The following NETO1 variants were observed in gnomAD, a reference collection of about 807,000 sequenced individuals.
NETO1 encodes neuropilin and tolloid-like protein 1.
A neutral mutation model predicts 61.3 loss-of-function variants in NETO1; 26 were observed. The observed-to-expected ratio is 0.42, with a 90% CI of 0.31 to 0.59. The LOEUF (loss-of-function observed/expected upper bound fraction) is 0.59, where lower values mean the gene tolerates loss of function less well. NETO1 is among the 20% of genes least tolerant of loss of function. The probability of loss-of-function intolerance (pLI) is 0.12; values close to 1 mark genes in which losing one functional copy is unlikely to be tolerated. For missense variants in NETO1, 531 were observed against 662.8 expected (o/e 0.80, Z 2.18); for synonymous variants, 225 against 225.8 (o/e 1.00, Z 0.03).
At chr18:72,764,920 A>G (rs2071103148) in intron 7 of NETO1, among the ~76,000 whole-genome samples, 2 of 152,042 alleles carry the variant, frequency 1.3e-5, no homozygotes, top group Admixed American at 6.6e-5. Context: ...ATCTCAATAC[A>G]AAGCTCTTGT....
intron 4 of NETO1, chr18:72,834,319 T>C (rs2073673641): frequency 1.1e-6 from 1 of 871,938 alleles, no homozygotes; most frequent in South Asian, 5.3e-5. Context: ...AAACTGTAGT[T>C]TAACCAGTTA....
chr18:72,822,183 G>A (rs1008739687), intron 4 of NETO1, among the ~76,000 whole-genome samples: 3 of 152,164 alleles, frequency 2.0e-5, no homozygotes, highest in African/African-American at 4.8e-5. Context: ...TGTGACCCAC[G>A]GATACAGAAA....
At chr18:72,787,754 C>T (rs1308309742) in intron 6 of NETO1, among the ~76,000 whole-genome samples, 3 of 152,052 alleles carry the variant, frequency 2.0e-5, no homozygotes, top group Non-Finnish European at 2.9e-5. Flanking sequence ...GGACTGGTAC[C>T]GAAGTCAGAT....
At position 72,839,728 on chromosome 18, in the gene NETO1, A is replaced by G. The variant is rs185437967; in HGVS notation, c.469+19098T>C. Among the ~76,000 whole-genome samples, 21 of 152,326 alleles carry G rather than the reference A, an allele frequency of 1.4e-4. 1 individual carries two copies. In the East Asian group the frequency reaches 3.5e-3, roughly 25 times the overall value. ...TGTAAATAGAGTAATATCTACATGA[A>G]AGGAACAGAAAAATGGGAAGAGGCA... is the stretch of plus-strand genomic sequence containing the variant. On this transcript the variant is annotated intron_variant, in intron 4 of 10. Transcript: ENST00000327305.
At chr18:72,807,923 C>A (rs1382709403) in intron 4 of NETO1, among the ~76,000 whole-genome samples, 2 of 152,186 alleles carry the variant, frequency 1.3e-5, no homozygotes. Context: ...CCTTAATTCT[C>A]TCAGAATGCT....
At chr18:72,751,465 T>C (rs963597937) in intron 8 of NETO1, among the ~76,000 whole-genome samples, 4 of 152,138 alleles carry the variant, frequency 2.6e-5, no homozygotes, top group Non-Finnish European at 5.9e-5. Flanking sequence ...TTATGGAATC[T>C]CCTTAGAAGG....
chr18:72,854,317 G>C (rs1449260542), intron 4 of NETO1, among the ~76,000 whole-genome samples: 1 of 152,170 alleles, frequency 6.6e-6, no homozygotes, highest in Non-Finnish European at 1.5e-5. Flanking sequence ...TTGGTACTTT[G>C]AGGTCTATTC....
intron 7 of NETO1, among the ~76,000 whole-genome samples, chr18:72,757,939 T>C (rs570697313): frequency 2.0e-5 from 3 of 152,284 alleles, no homozygotes; most frequent in African/African-American, 4.8e-5. Flanking sequence ...ACCTAACAAA[T>C]TGTAGTATAC....
chr18:72,746,985 T>C lies in NETO1; in HGVS notation c.*1194A>G, dbSNP rs1044185330. 6.6e-6 allele frequency among the ~76,000 whole-genome samples: 1 copy of C among 152,038 alleles called. No individual in the cohort carries two copies. The highest frequency in any genetic ancestry group is 1.5e-5 in the Non-Finnish European group (1 of 67,938). On this transcript the variant is annotated 3_prime_UTR_variant, in exon 11 of 11. Transcript: ENST00000327305. Reference sequence around the variant, plus strand: ...ACCTGAGAATAAGAATAATTCATAATGGTGGTTTAATTCATAAAAGGGCTT... The same window carrying C: ...ACCTGAGAATAAGAATAATTCATAACGGTGGTTTAATTCATAAAAGGGCTT...
At chr18:72,812,244 T>C (rs991386298) in intron 4 of NETO1, among the ~76,000 whole-genome samples, 1 of 152,224 alleles carries the variant, frequency 6.6e-6, no homozygotes, top group African/African-American at 2.4e-5. Context: ...GGAGAGTCAG[T>C]ACTTGAACAC....
chr18:72,823,154 T>C (rs1369117195), intron 4 of NETO1, among the ~76,000 whole-genome samples: 1 of 152,208 alleles, frequency 6.6e-6, no homozygotes, highest in Non-Finnish European at 1.5e-5. Flanking sequence ...TAAATATTTA[T>C]TGGCTGTTTT....
intron 4 of NETO1, among the ~76,000 whole-genome samples, chr18:72,807,731 CACACACACACACACACACACACA>C (rs2072721844): frequency 4.3e-5 from 2 of 46,470 alleles, no homozygotes; most frequent in Non-Finnish European, 2.2e-4. Flanking sequence ...CACACACACA[CACACACACACACACACACACACA>C]CCCATACTGT....
intron 7 of NETO1, among the ~76,000 whole-genome samples, chr18:72,773,999 G>A (rs146126436): frequency 3.8e-4 from 57 of 151,636 alleles, no homozygotes; most frequent in African/African-American, 1.3e-3. Flanking sequence ...CTTTTGTCAC[G>A]AGTTAACATA....
chr18:72,846,363 G>C (rs1253044379), intron 4 of NETO1, among the ~76,000 whole-genome samples: 1 of 151,470 alleles, frequency 6.6e-6, no homozygotes, highest in Non-Finnish European at 1.5e-5. Context: ...AAATTAGCTG[G>C]GCATGGTGGC....
chr18:72,864,913 C>A lies in NETO1; in HGVS notation c.115G>T (p.Val39Leu). ...KQTTSETQKSVQCGTWTKHAE... is the reference protein window; with the variant it reads ...KQTTSETQKSLQCGTWTKHAE... ...TGTTTTGTCCAAGTTCCACACTGCA[C>A]TGACTTCTGTGTTTCTGAGGTGGTT... is the stretch of plus-strand genomic sequence containing the variant. Residue 39 changes from valine (V) to leucine (L), a missense_variant, in exon 3 of 11, where the codon GTG (valine) becomes TTG (leucine). Transcript: ENST00000327305. 5 of 1,607,784 alleles carry A rather than the reference C, an allele frequency of 3.1e-6. No individual in the cohort carries two copies. The highest frequency in any genetic ancestry group is 4.2e-6 in the Non-Finnish European group (5 of 1,178,664).
chr18:72,846,790 G>A (rs2145538734), intron 4 of NETO1, among the ~76,000 whole-genome samples: 1 of 152,304 alleles, frequency 6.6e-6, no homozygotes, highest in Non-Finnish European at 1.5e-5. Flanking sequence ...ATCTCTGAAA[G>A]ACCAGTTCAT....
rs2070430047 is a variant in NETO1, at chr18:72,746,295, AT to A, written c.*1883del. On this transcript the variant is annotated 3_prime_UTR_variant, in exon 11 of 11. Transcript: ENST00000327305. ...AAGATATGATTAATCCTTTAAAAAAATCTTTGGTGTATTAATTTTAAATTAA... is the reference window on the plus strand; with the variant it reads ...AAGATATGATTAATCCTTTAAAAAAACTTTGGTGTATTAATTTTAAATTAA... Among the ~76,000 whole-genome samples the A allele has an allele frequency of 6.6e-6, 1 of 152,302 alleles. No individual in the cohort carries two copies. Among genetic ancestry groups the A allele is most frequent in the East Asian group, 1.9e-4 (1 of 5,192 alleles).
chr18:72,781,548 T>C (rs908987569), intron 7 of NETO1, among the ~76,000 whole-genome samples: 1 of 152,220 alleles, frequency 6.6e-6, no homozygotes, highest in African/African-American at 2.4e-5. Flanking sequence ...GGAGAGATGT[T>C]TGACATGCTA....
intron 7 of NETO1, among the ~76,000 whole-genome samples, chr18:72,765,120 C>T (rs1352021795): frequency 6.6e-6 from 1 of 152,122 alleles, no homozygotes; most frequent in African/African-American, 2.4e-5. Context: ...CTCCTTGTAC[C>T]CCTTAGTACA....
Sources: allele counts gnomAD v4.1 joint callset (sites outside exome capture counted in the v4.1 genomes callset), GRCh38; gene constraint gnomAD v4.1.1; transcripts MANE v1.5; gene names NCBI Gene and HGNC (gene_info 2026-07-23, HGNC 2026-07-21).